The following MEF2A variants were observed in gnomAD, a reference collection of about 807,000 sequenced individuals.
The protein encoded by MEF2A is myocyte-specific enhancer factor 2A.
MEF2A carries 28 observed loss-of-function variants against 55.8 expected under a neutral mutation model. That is an observed-to-expected ratio of 0.50 (90% CI 0.37 to 0.69). The LOEUF (loss-of-function observed/expected upper bound fraction) is 0.69. MEF2A is among the 30% of genes least tolerant of loss of function. MEF2A has a pLI of 0.00. For missense variants in MEF2A, 528 were observed against 626.2 expected, an observed-to-expected ratio of 0.84 and a Z score of 1.67; for synonymous variants, 239 against 227.1, an observed-to-expected ratio of 1.05 and a Z score of -0.47.
chr15:99,646,084 A>G (rs1318255553), intron 4 of MEF2A, among the ~76,000 whole-genome samples: 1 of 151,946 alleles, frequency 6.6e-6, no homozygotes, highest in African/African-American at 2.4e-5. Flanking sequence ...GACAGTATGA[A>G]GTTACAGTTT....
intron 2 of MEF2A, among the ~76,000 whole-genome samples, chr15:99,629,375 G>T (rs1042962527): frequency 1.3e-5 from 2 of 152,234 alleles, no homozygotes; most frequent in Non-Finnish European, 2.9e-5. Context: ...GAACAAAGGG[G>T]CACGAGAGCC....
chr15:99,707,732 G>A (rs549661955), intron 10 of MEF2A, among the ~76,000 whole-genome samples: 24 of 152,306 alleles, frequency 1.6e-4, no homozygotes, highest in African/African-American at 5.8e-4. Flanking sequence ...CTGCAATGCA[G>A]AGAAGTTATT....
chr15:99,638,979 G>C (rs1221740346), intron 3 of MEF2A, among the ~76,000 whole-genome samples: 1 of 151,930 alleles, frequency 6.6e-6, no homozygotes, highest in East Asian at 1.9e-4. Flanking sequence ...GATTTCAGTG[G>C]GTTCTTTGGT....
chr15:99,579,580 G>C (rs1327349338), intron 1 of MEF2A, among the ~76,000 whole-genome samples: 1 of 152,054 alleles, frequency 6.6e-6, no homozygotes, highest in Non-Finnish European at 1.5e-5. Context: ...ATTTTTAGTA[G>C]AGACGGGGTT....
chr15:99,605,652 C>G (rs2153127652), intron 2 of MEF2A, among the ~76,000 whole-genome samples: 1 of 149,630 alleles, frequency 6.7e-6, no homozygotes, highest in South Asian at 2.1e-4. Flanking sequence ...CTTTACAGTA[C>G]TTTTTAGATT....
At chr15:99,624,486 A>G (rs919943633) in intron 2 of MEF2A, among the ~76,000 whole-genome samples, 2 of 152,140 alleles carry the variant, frequency 1.3e-5, no homozygotes, top group East Asian at 1.9e-4. Context: ...TCATTTGACC[A>G]TATGTGAGGG....
chr15:99,619,339 C>T (rs774078895), intron 2 of MEF2A, among the ~76,000 whole-genome samples: 2 of 152,144 alleles, frequency 1.3e-5, no homozygotes, highest in Non-Finnish European at 2.9e-5. Context: ...CAGAATACAG[C>T]GGTTGGAGTG....
chr15:99,633,724 C>T (rs2043292427), intron 3 of MEF2A, among the ~76,000 whole-genome samples: 1 of 151,940 alleles, frequency 6.6e-6, no homozygotes, highest in Admixed American at 6.6e-5. Context: ...GTGGGTAAAT[C>T]CTTACAGATT....
At chr15:99,638,775 T>C (rs1467095982) in intron 3 of MEF2A, among the ~76,000 whole-genome samples, 1 of 152,190 alleles carries the variant, frequency 6.6e-6, no homozygotes, top group Non-Finnish European at 1.5e-5. Flanking sequence ...TGTAAGTCCA[T>C]ATCTGATCCC....
chr15:99,626,144 A>G (rs1173942207), intron 2 of MEF2A, among the ~76,000 whole-genome samples: 1 of 152,106 alleles, frequency 6.6e-6, no homozygotes, highest in African/African-American at 2.4e-5. Context: ...TTATTGCTCT[A>G]TTCAGCTCTT....
chr15:99,588,503 A>G (rs916395955), intron 1 of MEF2A, among the ~76,000 whole-genome samples: 3 of 150,472 alleles, frequency 2.0e-5, no homozygotes, highest in African/African-American at 7.4e-5. Flanking sequence ...TCAAGGTTTC[A>G]CCCTGTTGCC....
At chr15:99,597,640 T>C (rs1971665235) in intron 1 of MEF2A, among the ~76,000 whole-genome samples, 2 of 152,158 alleles carry the variant, frequency 1.3e-5, no homozygotes, top group Admixed American at 1.3e-4. Context: ...TGAAACTCCC[T>C]AATAAAAACT....
chr15:99,703,149 G>T (rs1266250485), intron 8 of MEF2A, among the ~76,000 whole-genome samples: 1 of 152,274 alleles, frequency 6.6e-6, no homozygotes, highest in East Asian at 1.9e-4. Context: ...TTGAATACTG[G>T]CCCTAGAGAA....
rs1250848378 is a variant in MEF2A, at chr15:99,665,752, AAAAG to A, written c.259-5570_259-5567del. 2.3e-3 allele frequency among the ~76,000 whole-genome samples: 344 copies of A among 150,264 alleles called. 1 individual carries two copies. The highest frequency in any genetic ancestry group is 7.6e-3 in the African/African-American group (312 of 40,952). ...TTTACAAAAAAAAAAAAAAAAAAAA[AAAAG>A]CCATCAAAAAGTGGGTGAAGGATAT... On this transcript the variant is annotated intron_variant, in intron 4 of 11. Coordinates refer to ENST00000557942, the MANE Select transcript of MEF2A (RefSeq NM_001319206.4).
intron 4 of MEF2A, among the ~76,000 whole-genome samples, chr15:99,662,578 C>T (rs1227550912): frequency 6.6e-6 from 1 of 151,502 alleles, no homozygotes; most frequent in Admixed American, 6.6e-5. Context: ...GGGGTTAAAG[C>T]GATTCTCCTG....
rs1331578562 is a variant in MEF2A at position 99,633,032 on chromosome 15, G to A, written c.-88G>A. On this transcript the variant is annotated 5_prime_UTR_variant, in exon 3 of 12. Transcript: ENST00000557942. ...TGGACTAGAAGCTGAAATAACAGAA[G>A]CTGTGTACGATGCATTAGGGTATTG... 4 of 1,058,730 alleles carry A rather than the reference G, an allele frequency of 3.8e-6. No individual in the cohort carries two copies. The highest frequency in any genetic ancestry group is 1.6e-5 in the African/African-American group (1 of 61,860). 65.6% of individuals were successfully genotyped at this position (1,058,730 alleles called of 1,614,324 possible).
intron 2 of MEF2A, among the ~76,000 whole-genome samples, chr15:99,623,472 G>T (rs139829994): frequency 6.6e-6 from 1 of 152,098 alleles, no homozygotes; most frequent in Non-Finnish European, 1.5e-5. Context: ...CTGAGCAAAC[G>T]CCATACTGTT....
intron 3 of MEF2A, among the ~76,000 whole-genome samples, chr15:99,639,894 T>C (rs2044576793): frequency 6.6e-6 from 1 of 152,204 alleles, no homozygotes; most frequent in African/African-American, 2.4e-5. Flanking sequence ...TCTTAGAAGT[T>C]CTTTACATAT....
chr15:99,673,617 TG>T (rs2051310685), intron 5 of MEF2A, among the ~76,000 whole-genome samples: 1 of 152,076 alleles, frequency 6.6e-6, no homozygotes, highest in South Asian at 2.1e-4. Context: ...ATATTGTAAA[TG>T]GTGTGTGGAG....
Sources: gnomAD v4.1 joint callset for allele counts (sites outside exome capture counted in the v4.1 genomes callset) on GRCh38, gnomAD v4.1.1 for gene constraint, MANE v1.5 for transcripts, NCBI Gene and HGNC (gene_info 2026-07-23, HGNC 2026-07-21) for gene names.